The following YAF2 variants were observed in gnomAD, a reference collection of about 807,000 sequenced individuals.
YAF2 encodes YY1 associated factor 2, also known as YY1-associated factor 2.
Under a neutral mutation model 20.1 loss-of-function variants are expected in YAF2, and 7 were observed. The ratio of observed to expected loss-of-function variants is 0.35; its 90% CI spans 0.20 to 0.65. YAF2 has a LOEUF of 0.65. YAF2 is among the 30% of genes least tolerant of loss of function. The pLI, the probability that YAF2 is intolerant of heterozygous loss-of-function variation, is 0.69. For missense variants in YAF2, 151 were observed against 219.2 expected (o/e 0.69, Z 1.96); for synonymous variants, 74 against 76.0 (o/e 0.97, Z 0.14).
chr12:42,173,238 C>T (rs2066097254), intron 2 of YAF2, among the ~76,000 whole-genome samples: 1 of 152,142 alleles, frequency 6.6e-6, no homozygotes, highest in South Asian at 2.1e-4. Flanking sequence ...ACTATAGTCA[C>T]AAACGGGGCT....
chr12:42,183,220 C>T (rs2066389863), intron 2 of YAF2, among the ~76,000 whole-genome samples: 1 of 152,096 alleles, frequency 6.6e-6, no homozygotes, highest in Admixed American at 6.6e-5. Context: ...TTGAGCCTCC[C>T]TCTTCCCTGA....
chr12:42,165,881 T>A (rs916627635), intron 2 of YAF2, among the ~76,000 whole-genome samples: 2 of 150,282 alleles, frequency 1.3e-5, no homozygotes, highest in African/African-American at 4.9e-5. Flanking sequence ...TTAAATTCTA[T>A]CTATATCTAT....
At chr12:42,193,032 G>A (rs114466833) in intron 2 of YAF2, among the ~76,000 whole-genome samples, 5,503 of 152,108 alleles carry the variant, frequency 0.036, 146 homozygotes, top group Admixed American at 0.06. Flanking sequence ...AGCACCTACC[G>A]GCCGGGCACG....
At chr12:42,226,853 C>CT (rs1242850498) in intron 2 of YAF2, among the ~76,000 whole-genome samples, 3 of 150,426 alleles carry the variant, frequency 2.0e-5, no homozygotes, top group Admixed American at 1.3e-4. Flanking sequence ...GAGAGGAGGT[C>CT]GCGGCGCCGG....
intron 2 of YAF2, chr12:42,210,587 G>A (rs1565637178): frequency 3.9e-6 from 6 of 1,535,924 alleles, no homozygotes; most frequent in Middle Eastern, 1.7e-4. Context: ...CTTGGTCCTC[G>A]AGGCACTCAC....
intron 2 of YAF2, among the ~76,000 whole-genome samples, chr12:42,226,099 TG>T (rs1410792630): frequency 1.3e-5 from 2 of 152,218 alleles, no homozygotes; most frequent in Admixed American, 1.3e-4. Context: ...TCACATCCCT[TG>T]TAAGTTGTAT....
At chr12:42,199,799 A>G (rs1381679644) in intron 2 of YAF2, among the ~76,000 whole-genome samples, 1 of 152,232 alleles carries the variant, frequency 6.6e-6, no homozygotes, top group African/African-American at 2.4e-5. Context: ...CTTAAAAAAA[A>G]AAGTATTAGA....
intron 2 of YAF2, among the ~76,000 whole-genome samples, chr12:42,217,899 T>C (rs1477877760): frequency 6.6e-6 from 1 of 151,976 alleles, no homozygotes; most frequent in East Asian, 1.9e-4. Flanking sequence ...ATAAAGACCA[T>C]GAAATTGTGG....
chr12:42,183,504 A>G (rs1397876455), intron 2 of YAF2, among the ~76,000 whole-genome samples: 2 of 152,246 alleles, frequency 1.3e-5, no homozygotes, highest in African/African-American at 4.8e-5. Context: ...AAACAGCCTT[A>G]CTACTGGGAT....
chr12:42,196,920 C>T (rs2066768135), intron 2 of YAF2, among the ~76,000 whole-genome samples: 1 of 152,094 alleles, frequency 6.6e-6, no homozygotes, highest in African/African-American at 2.4e-5. Context: ...GACCTCAAGG[C>T]AGTGAAGATT....
intron 2 of YAF2, among the ~76,000 whole-genome samples, chr12:42,226,426 C>T (rs1351904518): frequency 6.6e-6 from 1 of 152,128 alleles, no homozygotes; most frequent in East Asian, 1.9e-4. Flanking sequence ...ATTTTGGAGG[C>T]CAAGGTGAGA....
At chr12:42,217,061 C>T (rs915724677) in intron 2 of YAF2, among the ~76,000 whole-genome samples, 51 of 152,280 alleles carry the variant, frequency 3.3e-4, no homozygotes, top group African/African-American at 1.2e-3. Flanking sequence ...CCTAGACTAT[C>T]AAAATGGTTT....
chr12:42,176,883 C>T (rs1441221882), intron 2 of YAF2, among the ~76,000 whole-genome samples: 1 of 152,154 alleles, frequency 6.6e-6, no homozygotes, highest in Non-Finnish European at 1.5e-5. Flanking sequence ...AGGAGAATCG[C>T]TTGAACCCAG....
intron 2 of YAF2, among the ~76,000 whole-genome samples, chr12:42,213,594 AG>A (rs1316194963): frequency 6.6e-6 from 1 of 152,206 alleles, no homozygotes; most frequent in Admixed American, 6.5e-5. Flanking sequence ...TTCCTTCCTT[AG>A]GGAAAGTCAT....
At chr12:42,174,308 A>T in intron 2 of YAF2, among the ~76,000 whole-genome samples, 1 of 152,118 alleles carries the variant, frequency 6.6e-6, no homozygotes, top group East Asian at 1.9e-4. Flanking sequence ...CTTTACCAAC[A>T]GTCAACTGTA....
chr12:42,214,629 T>C (rs1180753702), intron 2 of YAF2, among the ~76,000 whole-genome samples: 2 of 152,136 alleles, frequency 1.3e-5, no homozygotes, highest in African/African-American at 4.8e-5. Context: ...GCCTCTCCTC[T>C]TCACCCATTT....
chr12:42,179,659 C>T (rs982285467), intron 2 of YAF2, among the ~76,000 whole-genome samples: 5 of 151,828 alleles, frequency 3.3e-5, no homozygotes, highest in African/African-American at 1.2e-4. Context: ...CGTGGTGGCA[C>T]GTGCCACCCA....
At chr12:42,177,663 T>C (rs1446136797) in intron 2 of YAF2, among the ~76,000 whole-genome samples, 1 of 152,210 alleles carries the variant, frequency 6.6e-6, no homozygotes, top group Admixed American at 6.5e-5. Context: ...GTCCACAGCA[T>C]CCTGCATCAA....
At chr12:42,213,559 C>A (rs756162923) in intron 2 of YAF2, among the ~76,000 whole-genome samples, 2 of 152,190 alleles carry the variant, frequency 1.3e-5, no homozygotes, top group Admixed American at 1.3e-4. Flanking sequence ...CTCAAGCCAA[C>A]TTGAGTGGCT....
Sources: gnomAD v4.1 joint callset for allele counts (sites outside exome capture counted in the v4.1 genomes callset) on GRCh38, gnomAD v4.1.1 for gene constraint, MANE v1.5 for transcripts, NCBI Gene and HGNC (gene_info 2026-07-23, HGNC 2026-07-21) for gene names.